The following NRXN3 variants were observed in gnomAD, a reference collection of about 807,000 sequenced individuals.
NRXN3 encodes the protein neurexin III.
A neutral mutation model predicts 137.6 loss-of-function variants in NRXN3; 32 were observed. The observed-to-expected ratio is 0.23, with a 90% CI of 0.18 to 0.31. The LOEUF (loss-of-function observed/expected upper bound fraction) is 0.31, where lower values mean the gene tolerates loss of function less well. NRXN3 is among the 10% of genes least tolerant of loss of function. The probability of loss-of-function intolerance (pLI) is 1.00; values close to 1 mark genes in which losing one functional copy is unlikely to be tolerated. For synonymous variants in NRXN3, 798 were observed against 784.5 expected (o/e 1.02, Z -0.29); for missense variants, 1,574 against 2,062.5 (o/e 0.76, Z 4.59).
rs1279504850 is a variant in NRXN3 at position 79,616,951 on chromosome 14, G to A, written c.3445-46827G>A. ...CATTTCCATGTGCCCTCAAATAGTA[G>A]CCGACCTCTTCCTTCCTGGGAGAGA... On this transcript the variant is annotated intron_variant, in intron 16 of 20. Transcript: ENST00000335750. 4.6e-5 allele frequency among the ~76,000 whole-genome samples: 7 copies of A among 152,192 alleles called. No homozygotes were observed. In the East Asian group the frequency reaches 1.2e-3, roughly 25 times the overall value.
intron 19 of NRXN3, among the ~76,000 whole-genome samples, chr14:79,713,680 C>T (rs1381275809): frequency 6.7e-6 from 1 of 148,766 alleles, no homozygotes; most frequent in African/African-American, 2.5e-5. Context: ...CCACCAATTC[C>T]CTCTCTAACC....
intron 10 of NRXN3, among the ~76,000 whole-genome samples, chr14:78,817,362 G>C (rs1275693375): frequency 6.6e-6 from 1 of 152,150 alleles, no homozygotes; most frequent in Non-Finnish European, 1.5e-5. Flanking sequence ...CAAATAAGTG[G>C]TTTCCAAAAG....
rs569276031 is a variant in NRXN3, at chr14:78,468,944, T to C, written c.757+171084T>C. Among the ~76,000 whole-genome samples, 407 of 152,126 alleles carry C rather than the reference T, an allele frequency of 2.7e-3. 3 individuals carry two copies. Among genetic ancestry groups the C allele is most frequent in the Middle Eastern group, 0.02 (6 of 294 alleles). On this transcript the variant is annotated intron_variant, in intron 4 of 20. Coordinates refer to ENST00000335750, the MANE Select transcript of NRXN3 (RefSeq NM_001330195.2). Reference sequence around the variant, plus strand: ...GTGACTGAGAAGATGGTAAAGCTACTGAGATGAGATGGTCAGCAGGAAAAG... The same window carrying C: ...GTGACTGAGAAGATGGTAAAGCTACCGAGATGAGATGGTCAGCAGGAAAAG...
intron 10 of NRXN3, among the ~76,000 whole-genome samples, chr14:78,878,947 G>A (rs1053005363): frequency 5.9e-5 from 9 of 151,856 alleles, no homozygotes; most frequent in South Asian, 2.1e-4. Flanking sequence ...AAGCGAGGTC[G>A]TGCAGTATTT....
intron 15 of NRXN3, among the ~76,000 whole-genome samples, chr14:79,094,355 C>G (rs913846060): frequency 6.6e-6 from 1 of 152,184 alleles, no homozygotes; most frequent in African/African-American, 2.4e-5. Flanking sequence ...AAAGCATAAG[C>G]ATCCATTTTT....
Position 78,483,197 on chromosome 14 carries a change from A to C in NRXN3, c.758-161923A>C, listed in dbSNP as rs181066324. ...AAGCAAAACAGAACAACAAAACCCC[A>C]AAAAACCCCACAAAACTGGGAAGTG... On this transcript the variant is annotated intron_variant, in intron 4 of 20. Transcript: ENST00000335750. 5.4e-3 allele frequency among the ~76,000 whole-genome samples: 829 copies of C among 152,294 alleles called. 29 individuals carry two copies. Among genetic ancestry groups the C allele is most frequent in the East Asian group, 1.3e-3 (7 of 5,192 alleles).
At position 79,844,440 on chromosome 14, in the gene NRXN3, G is replaced by A. The variant is rs183002249; in HGVS notation, c.4094-16902G>A. Among the ~76,000 whole-genome samples the A allele has an allele frequency of 6.6e-5, 10 of 151,546 alleles. No individual in the cohort carries two copies. In the East Asian group the frequency reaches 9.7e-4, roughly 15 times the overall value. On this transcript the variant is annotated intron_variant, in intron 20 of 20. Coordinates refer to ENST00000335750, the MANE Select transcript of NRXN3 (RefSeq NM_001330195.2). ...TATGGCAGCTATTGCCTTACAAAAC[G>A]TGTTTCTTAAGTAAGATGTTAAAGT...
chr14:78,335,677 T>A (rs1227686831), intron 4 of NRXN3, among the ~76,000 whole-genome samples: 2 of 152,180 alleles, frequency 1.3e-5, no homozygotes, highest in Admixed American at 6.5e-5. Flanking sequence ...CCCACCTGCC[T>A]TTAGTTTGCT....
At chr14:78,191,434 C>A (rs374009142) in intron 1 of NRXN3, among the ~76,000 whole-genome samples, 1 of 152,158 alleles carries the variant, frequency 6.6e-6, no homozygotes, top group South Asian at 2.1e-4. Flanking sequence ...TGCTTCAGAG[C>A]AGTCAGAACG....
chr14:78,314,715 G>GTTCTGTGA (rs1384704589), intron 4 of NRXN3, among the ~76,000 whole-genome samples: 1 of 152,154 alleles, frequency 6.6e-6, no homozygotes, highest in Non-Finnish European at 1.5e-5. Context: ...GATGAGTTGT[G>GTTCTGTGA]TTCTGTGCTT....
At chr14:78,902,110 G>T (rs2099198397) in intron 10 of NRXN3, among the ~76,000 whole-genome samples, 1 of 151,584 alleles carries the variant, frequency 6.6e-6, no homozygotes, top group South Asian at 2.1e-4. Flanking sequence ...TGAGACTGAA[G>T]TATTTTGATC....
At chr14:78,873,605 T>A (rs1031711778) in intron 10 of NRXN3, among the ~76,000 whole-genome samples, 4 of 152,184 alleles carry the variant, frequency 2.6e-5, no homozygotes, top group African/African-American at 7.2e-5. Context: ...TTCTTAGTGA[T>A]CTCCTTCCTT....
intron 19 of NRXN3, among the ~76,000 whole-genome samples, chr14:79,726,665 A>G (rs1486278753): frequency 6.6e-6 from 1 of 152,150 alleles, no homozygotes; most frequent in Non-Finnish European, 1.5e-5. Context: ...GCCTGGTACT[A>G]TTATTTCCCC....
chr14:79,159,152 C>A (rs1261670368), intron 15 of NRXN3, among the ~76,000 whole-genome samples: 1 of 151,672 alleles, frequency 6.6e-6, no homozygotes, highest in Non-Finnish European at 1.5e-5. Flanking sequence ...GAACATCCCC[C>A]AAAACTGTTG....
At chr14:79,211,298 C>T (rs1247896432) in intron 15 of NRXN3, among the ~76,000 whole-genome samples, 1 of 152,110 alleles carries the variant, frequency 6.6e-6, no homozygotes, top group Non-Finnish European at 1.5e-5. Context: ...GAATGACTGG[C>T]ACTTCACAAG....
chr14:78,446,785 T>A (rs2094431445), intron 4 of NRXN3, among the ~76,000 whole-genome samples: 1 of 152,142 alleles, frequency 6.6e-6, no homozygotes, highest in Non-Finnish European at 1.5e-5. Flanking sequence ...TCAACCTAAG[T>A]TGGGGCTCAG....
Position 79,642,245 on chromosome 14 carries a change from T to A in NRXN3, c.3445-21533T>A, listed in dbSNP as rs1010161248. Among the ~76,000 whole-genome samples the A allele has an allele frequency of 2.2e-5, 3 of 135,526 alleles. 1 individual carries two copies. The highest frequency in any genetic ancestry group is 7.4e-5 in the African/African-American group (3 of 40,752). The allele number at this position is 135,526 out of a possible 152,430, so 88.9% of individuals were successfully genotyped here. On this transcript the variant is annotated intron_variant, in intron 16 of 20. Coordinates refer to ENST00000335750, the MANE Select transcript of NRXN3 (RefSeq NM_001330195.2). ...ATCAATCAAGAGCTGACATGAATGTTTTTATAGAGATTCTGTTCCACTTAG... is the reference window on the plus strand; with the variant it reads ...ATCAATCAAGAGCTGACATGAATGTATTTATAGAGATTCTGTTCCACTTAG...
Position 78,560,564 on chromosome 14 carries a change from G to A in NRXN3, c.758-84556G>A, listed in dbSNP as rs562657286. On this transcript the variant is annotated intron_variant, in intron 4 of 20. Transcript: ENST00000335750. The stretch of plus-strand genomic sequence containing the variant: ...GGCCCTTCCAAGATGCTGACCCCTC[G>A]CTAGCTGCAGGCCTCTGGGGCAGTA... Among the ~76,000 whole-genome samples the A allele has an allele frequency of 1.2e-4, 18 of 152,246 alleles. No individual in the cohort carries two copies. In the South Asian group the frequency reaches 1.2e-3, roughly 11 times the overall value.
intron 15 of NRXN3, among the ~76,000 whole-genome samples, chr14:79,466,146 C>T (rs886404924): frequency 6.6e-6 from 1 of 152,116 alleles, no homozygotes; most frequent in Non-Finnish European, 1.5e-5. Flanking sequence ...ACAACTACCA[C>T]TTGTCATGTT....
Sources: allele counts gnomAD v4.1 joint callset (sites outside exome capture counted in the v4.1 genomes callset), GRCh38; gene constraint gnomAD v4.1.1; transcripts MANE v1.5; gene names NCBI Gene and HGNC (gene_info 2026-07-23, HGNC 2026-07-21).